The following ATP10B variants were observed in gnomAD, a reference collection of about 807,000 sequenced individuals.
ATP10B encodes the protein ATPase phospholipid transporting 10B (putative).
ATP10B carries 122 observed loss-of-function variants against 141.2 expected under a neutral mutation model. The observed-to-expected ratio is 0.86, with a 90% CI of 0.75 to 1.00. The LOEUF (loss-of-function observed/expected upper bound fraction) is 1.00, where lower values mean the gene tolerates loss of function less well. Among genes scored for constraint, ATP10B ranks in the 50% least tolerant of loss-of-function variants. The pLI, the probability that ATP10B is intolerant of heterozygous loss-of-function variation, is 0.00. For synonymous variants in ATP10B, 685 were observed against 692.0 expected (o/e 0.99, Z 0.16); for missense variants, 1,876 against 1,825.3 (o/e 1.03, Z -0.51).
At chr5:160,646,929 G>A (rs1760320556) in intron 8 of ATP10B, among the ~76,000 whole-genome samples, 1 of 152,146 alleles carries the variant, frequency 6.6e-6, no homozygotes, top group Non-Finnish European at 1.5e-5. Flanking sequence ...GGGGTGGGGG[G>A]CTGTCCTGTG....
At chr5:160,743,737 G>A (rs890904099) in intron 2 of ATP10B, among the ~76,000 whole-genome samples, 8 of 152,154 alleles carry the variant, frequency 5.3e-5, no homozygotes, top group Non-Finnish European at 5.9e-5. Context: ...GGGATTATAA[G>A]ACTATAGCTA....
chr5:160,715,897 G>C (rs1765617960), intron 3 of ATP10B, among the ~76,000 whole-genome samples: 1 of 151,892 alleles, frequency 6.6e-6, no homozygotes, highest in Admixed American at 6.6e-5. Context: ...TTTTAGTTGA[G>C]ATGGGGTTTC....
chr5:160,709,516 A>C (rs1411263981), intron 3 of ATP10B, among the ~76,000 whole-genome samples: 1 of 152,188 alleles, frequency 6.6e-6, no homozygotes, highest in Non-Finnish European at 1.5e-5. Flanking sequence ...TACCATCATC[A>C]GACTGGTGAA....
rs762957448 is a variant in ATP10B, at chr5:160,670,658, C to T, written c.480G>A (p.Gln160=). 5.6e-6 allele frequency: 9 copies of T among 1,613,338 alleles called. No homozygotes were observed. The highest frequency in any genetic ancestry group is 7.6e-6 in the Non-Finnish European group (9 of 1,179,768). ...CCTTCCAGCACTTCTGCACATAGGT[C>T]TGCTCTTTTCTTGGGTGAGAGAAAG... The part of the protein sequence containing the change: ...SNIRIYERKE[Q]TYVQKCWKDV... Residue 160 remains glutamine, a synonymous_variant, in exon 7 of 26, where the codon CAG becomes CAA. Transcript: ENST00000327245.
intron 3 of ATP10B, among the ~76,000 whole-genome samples, chr5:160,708,318 C>T (rs572770709): frequency 1.8e-4 from 28 of 152,218 alleles, no homozygotes; most frequent in African/African-American, 5.8e-4. Flanking sequence ...ACTCAACCCC[C>T]GCCCCCTTCC....
At chr5:160,895,140 C>T in the ATP10B span, among the ~76,000 whole-genome samples, 5 of 152,052 alleles carry the variant, frequency 3.3e-5, no homozygotes, top group East Asian at 1.9e-4. Flanking sequence ...GAAGAAACTG[C>T]GTCAACTCAT....
intron 1 of ATP10B, among the ~76,000 whole-genome samples, chr5:160,793,137 T>A (rs1771702384): frequency 6.6e-6 from 1 of 152,222 alleles, no homozygotes; most frequent in African/African-American, 2.4e-5. Flanking sequence ...AAACCCATCA[T>A]TTTAGAAAAT....
intron 2 of ATP10B, among the ~76,000 whole-genome samples, chr5:160,774,444 C>A (rs1441966951): frequency 1.3e-5 from 2 of 152,178 alleles, no homozygotes; most frequent in Non-Finnish European, 2.9e-5. Flanking sequence ...AGAATTTGTA[C>A]ACGGGTAAAA....
At chr5:160,617,521 T>G (rs1758091671) in intron 16 of ATP10B, among the ~76,000 whole-genome samples, 1 of 152,144 alleles carries the variant, frequency 6.6e-6, no homozygotes, top group Non-Finnish European at 1.5e-5. Context: ...TATGTGACCA[T>G]ATAAAAGGTC....
In ATP10B at chr5:160,563,190, T is replaced by C. The variant is rs1003936741; in HGVS notation, c.*2263A>G. On this transcript the variant is annotated 3_prime_UTR_variant, in exon 26 of 26. Coordinates refer to ENST00000327245, the MANE Select transcript of ATP10B (RefSeq NM_025153.3). ...GACATTTCCAATCAGTAAAATATCATAAAAGTATAAAAATGTACTAAGTAC... is the reference window on the plus strand; with the variant it reads ...GACATTTCCAATCAGTAAAATATCACAAAAGTATAAAAATGTACTAAGTAC... 6.6e-6 allele frequency: 1 copy of C among 152,156 alleles called. No homozygotes were observed. The highest frequency in any genetic ancestry group is 1.5e-5 in the Non-Finnish European group (1 of 68,014). 9.4% of individuals were successfully genotyped at this position (152,156 alleles called of 1,614,324 possible).
At chr5:160,850,871 A>G (rs970616036) in intron 1 of ATP10B, among the ~76,000 whole-genome samples, 1 of 152,258 alleles carries the variant, frequency 6.6e-6, no homozygotes, top group Non-Finnish European at 1.5e-5. Context: ...GAATTTTTTA[A>G]AAAGTCATCA....
At chr5:160,853,094 A>G (rs767714301), upstream of ATP10B, among the ~76,000 whole-genome samples, 3 of 152,204 alleles carry the variant, frequency 2.0e-5, no homozygotes, top group Non-Finnish European at 4.4e-5. Flanking sequence ...TTACAAGAGA[A>G]GAAACACCCA....
intron 2 of ATP10B, among the ~76,000 whole-genome samples, chr5:160,758,746 G>C (rs1200224124): frequency 1.3e-5 from 2 of 152,128 alleles, no homozygotes; most frequent in African/African-American, 4.8e-5. Flanking sequence ...TGTCCTGCAG[G>C]GTCATGTTTT....
chr5:160,744,226 C>T (rs1239834155), intron 2 of ATP10B, among the ~76,000 whole-genome samples: 1 of 152,190 alleles, frequency 6.6e-6, no homozygotes, highest in Non-Finnish European at 1.5e-5. Context: ...TTACCAAATT[C>T]TCAGAAGGTG....
At chr5:160,765,311 C>T (rs1276784229) in intron 2 of ATP10B, among the ~76,000 whole-genome samples, 1 of 151,992 alleles carries the variant, frequency 6.6e-6, no homozygotes, top group Non-Finnish European at 1.5e-5. Flanking sequence ...TCACATTAAT[C>T]AACTTCAATC....
chr5:160,824,412 A>C (rs1774416864), intron 1 of ATP10B, among the ~76,000 whole-genome samples: 1 of 152,212 alleles, frequency 6.6e-6, no homozygotes, highest in Admixed American at 6.5e-5. Context: ...AGTAGAAGTC[A>C]GTGGTTGCAA....
At chr5:160,596,413 A>G (rs1450796256) in intron 22 of ATP10B, among the ~76,000 whole-genome samples, 2 of 141,992 alleles carry the variant, frequency 1.4e-5, no homozygotes, top group East Asian at 4.1e-4. Flanking sequence ...AGAGCTATCT[A>G]CGACAAACCC....
chr5:160,684,536 T>C (rs563983444), intron 6 of ATP10B, among the ~76,000 whole-genome samples: 2 of 152,220 alleles, frequency 1.3e-5, no homozygotes, highest in African/African-American at 4.8e-5. Flanking sequence ...AATGTGCTCA[T>C]GGCCACACTG....
At chr5:160,591,596 A>G (rs1033420293) in intron 22 of ATP10B, among the ~76,000 whole-genome samples, 1 of 151,944 alleles carries the variant, frequency 6.6e-6, no homozygotes, top group East Asian at 1.9e-4. Flanking sequence ...TCGTAGCTCG[A>G]ATCACAGGTT....
Sources: allele counts gnomAD v4.1 joint callset (sites outside exome capture counted in the v4.1 genomes callset), GRCh38; gene constraint gnomAD v4.1.1; transcripts MANE v1.5; gene names NCBI Gene and HGNC (gene_info 2026-07-23, HGNC 2026-07-21).